ACTR3C: variants seen among roughly 807,000 people sequenced by gnomAD.
The protein encoded by ACTR3C is actin related protein 3C.
Under a neutral mutation model 26.3 loss-of-function variants are expected in ACTR3C, and 18 were observed. The observed-to-expected ratio is 0.68, with a 90% CI of 0.47 to 1.01. The LOEUF (loss-of-function observed/expected upper bound fraction) is 1.01. Among genes scored for constraint, ACTR3C ranks in the 50% least tolerant of loss-of-function variants. The probability of loss-of-function intolerance (pLI) is 0.00; values close to 1 mark genes in which losing one functional copy is unlikely to be tolerated. For missense variants in ACTR3C, 184 were observed against 250.7 expected (o/e 0.73, Z 1.80); for synonymous variants, 55 against 94.5 (o/e 0.58, Z 2.42).
In ACTR3C at chr7:150,261,183, G is replaced by A. The variant is rs1383114600; in HGVS notation, c.565-12129C>T. On this transcript the variant is annotated intron_variant, in intron 6 of 7. Transcript: ENST00000683684. ...ACTGTGAATGTGATATTAAAATACT[G>A]AAAGTCATAATTTCTGCTGGTGAGA... 2.0e-5 allele frequency among the ~76,000 whole-genome samples: 3 copies of A among 152,172 alleles called. No homozygotes were observed. In the East Asian group the frequency reaches 5.8e-4, roughly 29 times the overall value.
the ACTR3C span, among the ~76,000 whole-genome samples, chr7:150,159,008 T>A: frequency 1.4e-5 from 2 of 140,002 alleles, no homozygotes; most frequent in Non-Finnish European, 3.0e-5. Flanking sequence ...GGCACGCACA[T>A]TCAGCACACA....
At chr7:150,018,957 T>C in the ACTR3C span, among the ~76,000 whole-genome samples, 2 of 150,448 alleles carry the variant, frequency 1.3e-5, no homozygotes, top group Admixed American at 6.6e-5. Context: ...TTGAAAGTCG[T>C]AATATAAATT....
At chr7:150,128,230 C>T in the ACTR3C span, among the ~76,000 whole-genome samples, 1 of 152,020 alleles carries the variant, frequency 6.6e-6, no homozygotes, top group Non-Finnish European at 1.5e-5. Context: ...AACCCTCCTG[C>T]CCCTCAGCTC....
At chr7:150,042,343 G>A in the ACTR3C span, among the ~76,000 whole-genome samples, 1 of 125,538 alleles carries the variant, frequency 8.0e-6, no homozygotes, top group Non-Finnish European at 1.7e-5. Flanking sequence ...GCCTCGCGGG[G>A]GGTGCCTCCG....
the ACTR3C span, among the ~76,000 whole-genome samples, chr7:150,050,586 A>C: frequency 6.6e-6 from 1 of 152,246 alleles, no homozygotes; most frequent in Non-Finnish European, 1.5e-5. Context: ...TCTCACAATT[A>C]AGCAGAAGAA....
chr7:150,184,077 G>A, the ACTR3C span, among the ~76,000 whole-genome samples: 13 of 150,598 alleles, frequency 8.6e-5, no homozygotes, highest in East Asian at 1.5e-3. Flanking sequence ...GCTCAGTTTC[G>A]GGTATTTCTT....
At chr7:150,157,133 T>C in the ACTR3C span, among the ~76,000 whole-genome samples, 83,183 of 120,832 alleles carry the variant, frequency 0.69, 30,453 homozygotes, top group East Asian at 0.98. Context: ...CATGCAAACT[T>C]GCTTTTATGG....
At chr7:150,227,265 C>A in the ACTR3C span, among the ~76,000 whole-genome samples, 1 of 151,272 alleles carries the variant, frequency 6.6e-6, no homozygotes, top group Non-Finnish European at 1.5e-5. Flanking sequence ...GACTTGGTAC[C>A]CTTTGATCCA....
chr7:150,245,777 C>T (rs1189577505), downstream of ACTR3C: 1 of 152,166 alleles, frequency 6.6e-6, no homozygotes, highest in African/African-American at 2.4e-5. Flanking sequence ...CAGAGCTATT[C>T]GCACAGGAGA....
At chr7:150,134,544 G>C in the ACTR3C span, among the ~76,000 whole-genome samples, 1 of 152,194 alleles carries the variant, frequency 6.6e-6, no homozygotes, top group Non-Finnish European at 1.5e-5. Context: ...CAAAGCAATT[G>C]CTGACTTAGT....
chr7:150,312,366 C>T (rs560937267), intron 1 of ACTR3C, among the ~76,000 whole-genome samples: 10 of 152,308 alleles, frequency 6.6e-5, no homozygotes, highest in Admixed American at 2.6e-4. Flanking sequence ...TGAACTTCTC[C>T]GTTCAGACCG....
At chr7:150,060,566 CA>C in the ACTR3C span, among the ~76,000 whole-genome samples, 1 of 152,026 alleles carries the variant, frequency 6.6e-6, no homozygotes, top group East Asian at 1.9e-4. Flanking sequence ...CAGCCAACTG[CA>C]AAAATAAAAG....
chr7:150,289,316 A>T, intron 4 of ACTR3C, 134 bp downstream of exon 4: 1 of 1,395,658 alleles, frequency 7.2e-7, no homozygotes, highest in Non-Finnish European at 9.4e-7. Flanking sequence ...TTAAGGGGTA[A>T]AACAAATCAA....
the ACTR3C span, among the ~76,000 whole-genome samples, chr7:150,034,781 G>T: frequency 6.6e-6 from 1 of 151,370 alleles, no homozygotes; most frequent in Admixed American, 6.6e-5. Context: ...AGCCAGGGGG[G>T]GAAGAGGGTC....
chr7:150,080,461 A>G, the ACTR3C span, among the ~76,000 whole-genome samples: 3 of 151,960 alleles, frequency 2.0e-5, no homozygotes, highest in East Asian at 5.8e-4. Context: ...ATGTAAACAA[A>G]TAAAACCCAA....
chr7:149,974,555 G>A, the ACTR3C span, among the ~76,000 whole-genome samples: 1 of 152,008 alleles, frequency 6.6e-6, no homozygotes, highest in South Asian at 2.1e-4. Flanking sequence ...TCCACACCAC[G>A]CCACCACCAC....
chr7:150,152,404 GT>G, the ACTR3C span, among the ~76,000 whole-genome samples: 1 of 152,120 alleles, frequency 6.6e-6, no homozygotes, highest in African/African-American at 2.4e-5. Flanking sequence ...TAATCATGTG[GT>G]TTTTGTCTTT....
chr7:149,919,620 G>C, the ACTR3C span, among the ~76,000 whole-genome samples: 2 of 151,784 alleles, frequency 1.3e-5, no homozygotes, highest in Non-Finnish European at 2.9e-5. Context: ...CATAGTTTTT[G>C]TTTAGTACAG....
chr7:150,311,459 G>A (rs7798534), intron 1 of ACTR3C, among the ~76,000 whole-genome samples: 3,411 of 152,212 alleles, frequency 0.022, 140 homozygotes, highest in African/African-American at 0.077. Flanking sequence ...ACCTTCAAGC[G>A]TTAATGTCCT....
Sources: allele counts gnomAD v4.1 joint callset (sites outside exome capture counted in the v4.1 genomes callset), GRCh38; gene constraint gnomAD v4.1.1; transcripts MANE v1.5; gene names NCBI Gene and HGNC (gene_info 2026-07-23, HGNC 2026-07-21).